Variants in PDE8B observed in about 807,000 individuals in gnomAD.
PDE8B encodes phosphodiesterase 8B.
In PDE8B, 26 loss-of-function variants were observed where a neutral mutation model predicts 101.3. The observed-to-expected ratio is 0.26, with a 90% CI of 0.19 to 0.36. PDE8B has a LOEUF of 0.36. PDE8B is among the 10% of genes least tolerant of loss of function. The pLI is 1.00. For synonymous variants in PDE8B, 424 were observed against 429.3 expected (o/e 0.99, Z 0.15); for missense variants, 810 against 1,163.1 (o/e 0.70, Z 4.42).
At chr5:77,405,801 C>G (rs1793308799) in intron 12 of PDE8B, among the ~76,000 whole-genome samples, 1 of 152,108 alleles carries the variant, frequency 6.6e-6, no homozygotes, top group East Asian at 1.9e-4. Context: ...GGACAACAGA[C>G]TAGTAGATTT....
the PDE8B span, among the ~76,000 whole-genome samples, chr5:77,203,834 AT>A: frequency 6.6e-6 from 1 of 152,150 alleles, no homozygotes; most frequent in African/African-American, 2.4e-5. Context: ...TTAGCATCAT[AT>A]TAGTGTAATG....
At chr5:77,099,819 A>G in the PDE8B span, among the ~76,000 whole-genome samples, 59 of 152,252 alleles carry the variant, frequency 3.9e-4, no homozygotes, top group African/African-American at 1.4e-3. Context: ...CATATTGGTC[A>G]GGCTGGTCTT....
chr5:77,291,716 T>C, intron 1 of PDE8B: 5 of 1,593,640 alleles, frequency 3.1e-6, no homozygotes, highest in Non-Finnish European at 3.4e-6. Flanking sequence ...CTGGCAGTGA[T>C]GCCTGGAAAC....
intron 10 of PDE8B, among the ~76,000 whole-genome samples, chr5:77,382,290 C>G (rs1479706760): frequency 1.3e-5 from 2 of 151,936 alleles, no homozygotes; most frequent in Admixed American, 6.6e-5. Context: ...AAAAAAGTTG[C>G]ATATATCAGT....
the PDE8B span, chr5:77,088,079 TG>T: frequency 1.4e-4 from 22 of 152,438 alleles, no homozygotes; most frequent in African/African-American, 5.3e-4. Context: ...GAGAGTTCCC[TG>T]ATTTCCTCCC....
At position 77,325,678 on chromosome 5, in the gene PDE8B, T is replaced by C; in HGVS notation, c.539T>C (p.Ile180Thr). ...TTTCTTGATAAGCATCATGAAATTA[T>C]TGTAATTGATCATAGACAAACTCAG... is the stretch of plus-strand genomic sequence containing the variant. The part of the protein sequence containing the change: ...ECFLDKHHEI[I>T]VIDHRQTQNF... The change falls in exon 3 of 22, where the codon ATT becomes ACT. Residue 180 changes from isoleucine (I) to threonine (T), a missense_variant. Physicochemically the swap from Ile to Thr is moderately conservative, Grantham distance 89. This residue lies in a region of PDE8B where 251 missense variants were observed against 378.8 expected (regional missense o/e 0.66). Coordinates refer to ENST00000264917, the MANE Select transcript of PDE8B (RefSeq NM_003719.5). The C allele has an allele frequency of 6.2e-7, 1 of 1,613,950 alleles. No individual in the cohort carries two copies. Among genetic ancestry groups the C allele is most frequent in the Non-Finnish European group, 8.5e-7 (1 of 1,179,794 alleles).
intron 1 of PDE8B, among the ~76,000 whole-genome samples, chr5:77,308,871 T>C (rs548661627): frequency 6.6e-6 from 1 of 152,184 alleles, no homozygotes; most frequent in Non-Finnish European, 1.5e-5. Flanking sequence ...CATGCACATA[T>C]TGATTATTTG....
intron 6 of PDE8B, among the ~76,000 whole-genome samples, chr5:77,343,582 G>C (rs1293927796): frequency 6.6e-6 from 1 of 152,170 alleles, no homozygotes; most frequent in East Asian, 1.9e-4. Context: ...GGGTGAGCTG[G>C]TGAGTGAATG....
chr5:77,308,266 G>T (rs1239870160), intron 1 of PDE8B, among the ~76,000 whole-genome samples: 1 of 152,170 alleles, frequency 6.6e-6, no homozygotes, highest in African/African-American at 2.4e-5. Flanking sequence ...AGACCAAGAA[G>T]GAAAAGGCAG....
intron 1 of PDE8B, among the ~76,000 whole-genome samples, chr5:77,215,722 A>G (rs537904652): frequency 6.6e-6 from 1 of 152,212 alleles, no homozygotes; most frequent in Non-Finnish European, 1.5e-5. Flanking sequence ...TAAACTGGTC[A>G]TGGGTAAAGG....
At chr5:77,183,255 G>A in the PDE8B span, among the ~76,000 whole-genome samples, 1 of 151,956 alleles carries the variant, frequency 6.6e-6, no homozygotes, top group African/African-American at 2.4e-5. Flanking sequence ...GAGTAGTTGG[G>A]GCTACAGGTG....
In PDE8B at chr5:77,411,681, C is replaced by G; in HGVS notation, c.1536C>G (p.Gly512=). The G allele has an allele frequency of 6.2e-7, 1 of 1,610,814 alleles. No homozygotes were observed. The highest frequency in any genetic ancestry group is 1.1e-5 in the South Asian group (1 of 90,992). The part of the protein sequence containing the change: ...SDLVGGLMTD[G]LRRLSGNEYV... Reference sequence around the variant, plus strand: ...AGGCTCTTCCTTTATTCCAGGACGGCTTGAGAAGACTGTCAGGAAACGAGT... The same window carrying G: ...AGGCTCTTCCTTTATTCCAGGACGGGTTGAGAAGACTGTCAGGAAACGAGT... Residue 512 remains glycine, a synonymous_variant, in exon 15 of 22, where the codon GGC becomes GGG. Transcript: ENST00000264917.
At chr5:77,278,492 C>T (rs190310059) in intron 1 of PDE8B, among the ~76,000 whole-genome samples, 96 of 152,128 alleles carry the variant, frequency 6.3e-4, no homozygotes, top group African/African-American at 2.0e-3. Flanking sequence ...TTTTTTGAGA[C>T]GGAGTCTCAC....
intron 1 of PDE8B, among the ~76,000 whole-genome samples, chr5:77,233,444 A>G (rs1245938724): frequency 6.6e-6 from 1 of 152,082 alleles, no homozygotes; most frequent in Non-Finnish European, 1.5e-5. Context: ...TCTTTTGTTT[A>G]TTGAGGACAA....
intron 10 of PDE8B, among the ~76,000 whole-genome samples, chr5:77,379,311 G>A (rs1045968010): frequency 4.6e-5 from 7 of 151,936 alleles, no homozygotes; most frequent in Admixed American, 1.3e-4. Flanking sequence ...ATGATCTGGG[G>A]GAAAAAAACA....
At chr5:77,297,564 C>T (rs1387738512) in intron 1 of PDE8B, among the ~76,000 whole-genome samples, 1 of 152,210 alleles carries the variant, frequency 6.6e-6, no homozygotes, top group East Asian at 1.9e-4. Context: ...GGGATCATTG[C>T]AGGAACTCCT....
At position 77,353,364 on chromosome 5, in the gene PDE8B, C is replaced by G; in HGVS notation, c.1125C>G (p.Val375=). ...TTATTAGGAAAATTAGGCATTTTGT[C>G]TCGCTCAAGAAACTGTGTTGTACCA... ...IGQGGKIRHF[V]SLKKLCCTTD... The change falls in exon 10 of 22, where the codon GTC becomes GTG. Residue 375 remains valine, a synonymous_variant. Transcript: ENST00000264917. 1.9e-6 allele frequency: 3 copies of G among 1,592,826 alleles called. No homozygotes were observed. The highest frequency in any genetic ancestry group is 1.1e-5 in the South Asian group (1 of 90,636).
chr5:77,237,686 C>T (rs556265867), intron 1 of PDE8B, among the ~76,000 whole-genome samples: 2 of 152,138 alleles, frequency 1.3e-5, no homozygotes, highest in Non-Finnish European at 2.9e-5. Context: ...CAATCTATTG[C>T]TTTTCCTTCA....
rs1245608131 is a variant in PDE8B at position 77,426,541 on chromosome 5, CATCT to C, written c.2646_2649del (p.Ser883ThrfsTer18). The stretch of plus-strand genomic sequence containing the variant: ...CTAAAGTGCAAAAGTTTGAGGCTTC[CATCT>C]GACAGCTAAAGCCAAGCCACAGAGG... On this transcript the variant is annotated frameshift_variant, in exon 22 of 22. Transcript: ENST00000264917. LOFTEE classifies it high-confidence loss of function. 6 of 1,600,094 alleles carry C rather than the reference CATCT, an allele frequency of 3.7e-6. No homozygotes were observed. Among genetic ancestry groups the C allele is most frequent in the Non-Finnish European group, 5.1e-6 (6 of 1,167,400 alleles).
Sources: allele counts gnomAD v4.1 joint callset (sites outside exome capture counted in the v4.1 genomes callset), GRCh38; gene constraint gnomAD v4.1.1; regional missense constraint gnomAD v4.1.1; transcripts MANE v1.5; gene names NCBI Gene and HGNC (gene_info 2026-07-23, HGNC 2026-07-21).